PHF21B: variants seen among roughly 807,000 people sequenced by gnomAD.
PHF21B encodes the protein PHD finger protein 4.
In PHF21B, 22 loss-of-function variants were observed where a neutral mutation model predicts 62.2. That is an observed-to-expected ratio of 0.35 (90% CI 0.25 to 0.51). PHF21B has a LOEUF of 0.51. PHF21B is among the 20% of genes least tolerant of loss of function. The pLI, the probability that PHF21B is intolerant of heterozygous loss-of-function variation, is 0.97. For synonymous variants in PHF21B, 341 were observed against 314.7 expected (o/e 1.08, Z -0.88); for missense variants, 701 against 707.9 (o/e 0.99, Z 0.11).
At position 45,009,614 on chromosome 22, in the gene PHF21B, C is replaced by T. The variant is rs1322944463; in HGVS notation, c.-65G>A. On this transcript the variant is annotated 5_prime_UTR_variant, in exon 1 of 13. Coordinates refer to ENST00000313237, the MANE Select transcript of PHF21B (RefSeq NM_138415.5). The surrounding 1 kb of genome is among the most constrained non-coding windows in gnomAD (Gnocchi z 5.9). Reference sequence around the variant, plus strand: ...GGGCTCCCGGGAAGTTGCGCGGCTCCGCGGGGGCCAGAGCGGGCGCGGGCG... The same window carrying T: ...GGGCTCCCGGGAAGTTGCGCGGCTCTGCGGGGGCCAGAGCGGGCGCGGGCG... 7.5e-6 allele frequency: 11 copies of T among 1,474,304 alleles called. No individual in the cohort carries two copies. Among genetic ancestry groups the T allele is most frequent in the Non-Finnish European group, 9.8e-6 (11 of 1,121,218 alleles). The allele number at this position is 1,474,304 out of a possible 1,614,324, so 91.3% of individuals were successfully genotyped here. A position where few individuals can be genotyped will look rare whatever the true frequency, so the allele number is the denominator to read the frequency against.
At chr22:44,912,155 G>C (rs1432908108) in intron 5 of PHF21B, among the ~76,000 whole-genome samples, 1 of 152,248 alleles carries the variant, frequency 6.6e-6, no homozygotes, top group Non-Finnish European at 1.5e-5. Context: ...TACCCTCATT[G>C]TATTTAGGAA....
At chr22:44,888,899 T>C (rs1255817663) in intron 9 of PHF21B, among the ~76,000 whole-genome samples, 1 of 152,136 alleles carries the variant, frequency 6.6e-6, no homozygotes, top group Non-Finnish European at 1.5e-5. Context: ...GTGGCCTGCC[T>C]CAAAGCCGAG....
chr22:44,929,801 C>T (rs370572753), intron 2 of PHF21B, among the ~76,000 whole-genome samples: 110 of 152,358 alleles, frequency 7.2e-4, no homozygotes, highest in African/African-American at 2.6e-3. Context: ...CCAAGACACA[C>T]CCACAGAAAT....
chr22:44,949,730 G>A (rs2147386758), intron 2 of PHF21B, among the ~76,000 whole-genome samples: 1 of 152,318 alleles, frequency 6.6e-6, no homozygotes. Flanking sequence ...GAAGACGTGT[G>A]TGTACCGCGT....
At chr22:44,972,769 CT>C (rs1394941461) in intron 2 of PHF21B, among the ~76,000 whole-genome samples, 1 of 152,230 alleles carries the variant, frequency 6.6e-6, no homozygotes, top group South Asian at 2.1e-4. Flanking sequence ...GATTCTGCCC[CT>C]CTCCCTGTCC....
intron 2 of PHF21B, among the ~76,000 whole-genome samples, chr22:44,924,067 G>A (rs2071586453): frequency 1.5e-5 from 1 of 65,046 alleles, no homozygotes; most frequent in African/African-American, 3.9e-5. Flanking sequence ...AGGGAGGGAG[G>A]GAGGGGAGGG....
At chr22:45,003,267 G>A (rs993127654) in intron 2 of PHF21B, 1 of 152,336 alleles carries the variant, frequency 6.6e-6, no homozygotes, top group Non-Finnish European at 1.5e-5. Flanking sequence ...AAAAGGCAGA[G>A]GGGAGCTCAG....
chr22:44,927,886 A>C (rs1203699018), intron 2 of PHF21B, among the ~76,000 whole-genome samples: 1 of 152,138 alleles, frequency 6.6e-6, no homozygotes, highest in Non-Finnish European at 1.5e-5. Context: ...AAGCATTTTA[A>C]TAGGGGGTAA....
Position 44,910,482 on chromosome 22 carries a change from C to T in PHF21B, c.831+3340G>A, listed in dbSNP as rs147426079. Among the ~76,000 whole-genome samples, 639 of 152,212 alleles carry T rather than the reference C, an allele frequency of 4.2e-3. 1 individual carries two copies. The highest frequency in any genetic ancestry group is 6.8e-3 in the Middle Eastern group (2 of 294). On this transcript the variant is annotated intron_variant, in intron 5 of 12. Transcript: ENST00000313237. ...GAATTCCCACATATTATGGGAGGGA[C>T]CTGGTGGGAGGTAATTGAATCATGG...
At chr22:44,947,362 C>T (rs535556049) in intron 2 of PHF21B, among the ~76,000 whole-genome samples, 4 of 152,364 alleles carry the variant, frequency 2.6e-5, no homozygotes, top group South Asian at 2.1e-4. Context: ...AGCAGACCGA[C>T]GCATGGGCAG....
Position 44,888,017 on chromosome 22 carries a change from C to A in PHF21B, c.1143G>T (p.Pro381=). 3 of 1,567,416 alleles carry A rather than the reference C, an allele frequency of 1.9e-6. No individual in the cohort carries two copies. Among genetic ancestry groups the A allele is most frequent in the Non-Finnish European group, 2.6e-6 (3 of 1,156,958 alleles). ...PGAYHLSCLE[P]PLKTAPKGVW... is the part of the protein sequence containing the mutation. ...CGCCCTTGGGCGCCGTCTTGAGGGG[C>A]GGCTCCAGGCAGCTGAGGTGGTAGG... The change falls in exon 10 of 13, where the codon CCG becomes CCT. Residue 381 remains proline (P), a synonymous_variant. Coordinates refer to ENST00000313237, the MANE Select transcript of PHF21B (RefSeq NM_138415.5).
chr22:44,950,475 G>A (rs1775331874), intron 2 of PHF21B, among the ~76,000 whole-genome samples: 1 of 152,220 alleles, frequency 6.6e-6, no homozygotes, highest in South Asian at 2.1e-4. Context: ...GGGATTCCTA[G>A]CTTTAGCAAT....
chr22:44,952,544 C>T (rs748063306), intron 2 of PHF21B, among the ~76,000 whole-genome samples: 9 of 152,140 alleles, frequency 5.9e-5, no homozygotes, highest in African/African-American at 9.7e-5. Context: ...GTGGACTGAA[C>T]GATGCCCAGC....
intron 5 of PHF21B, among the ~76,000 whole-genome samples, chr22:44,912,878 C>CAAAAAAAAAA (rs3087031): frequency 0.15 from 6,587 of 45,190 alleles, 1,396 homozygotes; most frequent in East Asian, 0.47. Flanking sequence ...GACTCTATCT[C>CAAAAAAAAAA]AAAAAAAAAA....
chr22:44,976,078 G>A (rs1347797489), intron 2 of PHF21B, among the ~76,000 whole-genome samples: 1 of 152,176 alleles, frequency 6.6e-6, no homozygotes, highest in East Asian at 1.9e-4. Context: ...GGCTGAGGTG[G>A]GAGGATCACC....
rs534818229 is a variant in PHF21B, at chr22:44,896,017, T to C, written c.883+15A>G. The stretch of plus-strand genomic sequence containing the variant: ...AGTCCCAGCCCAACCTGCTGCTACC[T>C]GGATCCTTCCTTACCTTCCAAATGT... On this transcript the variant is annotated intron_variant, in intron 6 of 12. Coordinates refer to ENST00000313237, the MANE Select transcript of PHF21B (RefSeq NM_138415.5). 4.3e-6 allele frequency: 7 copies of C among 1,614,154 alleles called. No individual in the cohort carries two copies. In the African/African-American group the frequency reaches 6.7e-5, roughly 15 times the overall value.
chr22:44,893,336 G>T, intron 7 of PHF21B, 121 bp downstream of exon 7: 1 of 889,354 alleles, frequency 1.1e-6, no homozygotes, highest in Non-Finnish European at 1.7e-6. Flanking sequence ...CCCACTCCCA[G>T]GAGGGACAGA....
At chr22:45,007,664 T>A (rs1424749406) in intron 2 of PHF21B, among the ~76,000 whole-genome samples, 6 of 137,590 alleles carry the variant, frequency 4.4e-5, no homozygotes, top group Non-Finnish European at 7.8e-5. Context: ...CCGCTCAAAG[T>A]TCTCGGCTCG....
At chr22:44,930,030 C>A (rs2071709607) in intron 2 of PHF21B, among the ~76,000 whole-genome samples, 1 of 152,250 alleles carries the variant, frequency 6.6e-6, no homozygotes, top group South Asian at 2.1e-4. Context: ...CAATGGAAAA[C>A]TTCCCAGCAG....
Sources: allele counts gnomAD v4.1 joint callset (sites outside exome capture counted in the v4.1 genomes callset), GRCh38; gene constraint gnomAD v4.1.1; non-coding constraint Gnocchi (gnomAD v3.1); transcripts MANE v1.5; gene names NCBI Gene and HGNC (gene_info 2026-07-23, HGNC 2026-07-21).